The following DOCK3 variants were observed in gnomAD, a reference collection of about 807,000 sequenced individuals.
DOCK3 encodes the protein dedicator of cytokinesis 3.
In DOCK3, 60 loss-of-function variants were observed where a neutral mutation model predicts 265.6. That is an observed-to-expected ratio of 0.23 (90% CI 0.18 to 0.28). The LOEUF (loss-of-function observed/expected upper bound fraction) is 0.28, where lower values mean the gene tolerates loss of function less well. Ranked by LOEUF, DOCK3 falls within the 10% of genes least tolerant of loss-of-function variation. The pLI is 1.00. For missense variants in DOCK3, 1,981 were observed against 2,594.3 expected (o/e 0.76, Z 5.14); for synonymous variants, 881 against 938.0 (o/e 0.94, Z 1.11).
At chr3:51,189,463 G>A (rs1377512641) in intron 12 of DOCK3, among the ~76,000 whole-genome samples, 2 of 151,834 alleles carry the variant, frequency 1.3e-5, no homozygotes, top group Admixed American at 6.6e-5. Flanking sequence ...CACTCCTTAT[G>A]CCTTTGCTTA....
chr3:51,174,877 G>A (rs2086861096), intron 12 of DOCK3, among the ~76,000 whole-genome samples: 1 of 152,208 alleles, frequency 6.6e-6, no homozygotes, highest in South Asian at 2.1e-4. Flanking sequence ...AAGTTGGTGG[G>A]CCTCTTTCCA....
At chr3:51,345,069 C>T (rs2110128756) in intron 38 of DOCK3, among the ~76,000 whole-genome samples, 1 of 152,352 alleles carries the variant, frequency 6.6e-6, no homozygotes, top group East Asian at 1.9e-4. Flanking sequence ...TGAGCAGTCT[C>T]CCATGGATTG....
chr3:50,758,210 A>G (rs1350304182), intron 1 of DOCK3, among the ~76,000 whole-genome samples: 10 of 149,184 alleles, frequency 6.7e-5, no homozygotes, highest in Admixed American at 4.7e-4. Flanking sequence ...AAAAAAAAAG[A>G]AAATTAATTG....
At chr3:50,803,567 T>C (rs2043187871) in intron 2 of DOCK3, among the ~76,000 whole-genome samples, 1 of 151,168 alleles carries the variant, frequency 6.6e-6, no homozygotes, top group Non-Finnish European at 1.5e-5. Context: ...CATCATGGCC[T>C]GTTCTCAATG....
At chr3:50,982,089 T>A (rs1575673861) in intron 5 of DOCK3, among the ~76,000 whole-genome samples, 1 of 152,170 alleles carries the variant, frequency 6.6e-6, no homozygotes, top group Non-Finnish European at 1.5e-5. Flanking sequence ...CCTCAGGTGA[T>A]CCACCTGCCT....
chr3:50,792,945 C>G (rs184069469), intron 2 of DOCK3, among the ~76,000 whole-genome samples: 1 of 152,304 alleles, frequency 6.6e-6, no homozygotes, highest in African/African-American at 2.4e-5. Flanking sequence ...GGAGAAGTCC[C>G]TCCTCCTTAG....
At chr3:50,945,149 T>C (rs1306403202) in intron 5 of DOCK3, among the ~76,000 whole-genome samples, 2 of 152,206 alleles carry the variant, frequency 1.3e-5, no homozygotes, top group Non-Finnish European at 2.9e-5. Flanking sequence ...GCATTAATTT[T>C]GACTGTGAAT....
chr3:51,250,559 C>T (rs527525518), intron 22 of DOCK3, among the ~76,000 whole-genome samples: 1 of 152,302 alleles, frequency 6.6e-6, no homozygotes, highest in African/African-American at 2.4e-5. Flanking sequence ...GCGGAGGTTG[C>T]AGTGAACCAA....
At chr3:51,233,490 C>A (rs1353022317) in intron 19 of DOCK3, among the ~76,000 whole-genome samples, 1 of 152,112 alleles carries the variant, frequency 6.6e-6, no homozygotes, top group Non-Finnish European at 1.5e-5. Flanking sequence ...CTCAGTCTCC[C>A]AAGTAGCTGG....
In DOCK3 at chr3:51,381,635, C is replaced by G. The variant is rs781935798; in HGVS notation, c.*76C>G. 2.1e-6 allele frequency: 3 copies of G among 1,433,700 alleles called. No homozygotes were observed. Among genetic ancestry groups the G allele is most frequent in the Non-Finnish European group, 2.7e-6 (3 of 1,098,232 alleles). 88.8% of individuals were successfully genotyped at this position (1,433,700 alleles called of 1,614,324 possible). A position where few individuals can be genotyped will look rare whatever the true frequency, so the allele number is the denominator to read the frequency against. ...ACTCCAGGTCTGAAAAGCAAGTCCC[C>G]CAGCCCCACCCCAGGGAGCCAGAGA... On this transcript the variant is annotated 3_prime_UTR_variant, in exon 53 of 53. Transcript: ENST00000266037. The surrounding 1 kb of genome is among the most constrained non-coding windows in gnomAD (Gnocchi z 5.6).
chr3:51,052,104 GAGGAAGGATGAGTAGT>G (rs2081015248), intron 5 of DOCK3, among the ~76,000 whole-genome samples: 1 of 152,212 alleles, frequency 6.6e-6, no homozygotes, highest in South Asian at 2.1e-4. Flanking sequence ...TGAAACTCCA[GAGGAAGGATGAGTAGT>G]AGGAAGGCAG....
chr3:50,819,917 G>A (rs886975913), intron 2 of DOCK3, among the ~76,000 whole-genome samples: 8 of 152,102 alleles, frequency 5.3e-5, no homozygotes, highest in African/African-American at 1.2e-4. Flanking sequence ...ACCCGAGATC[G>A]CATCACTGCA....
At chr3:51,085,205 A>G (rs533176326) in intron 7 of DOCK3, among the ~76,000 whole-genome samples, 5 of 152,358 alleles carry the variant, frequency 3.3e-5, no homozygotes, top group Admixed American at 2.6e-4. Context: ...AAAGAGTTCA[A>G]CAGACCCCAA....
chr3:51,309,549 G>A (rs1305292325), intron 27 of DOCK3, among the ~76,000 whole-genome samples: 3 of 151,940 alleles, frequency 2.0e-5, no homozygotes, highest in Non-Finnish European at 2.9e-5. Flanking sequence ...GTCCAGCTTC[G>A]GCTCGGCATC....
At chr3:51,167,723 T>C (rs1405497761) in intron 12 of DOCK3, among the ~76,000 whole-genome samples, 2 of 152,208 alleles carry the variant, frequency 1.3e-5, no homozygotes, top group Non-Finnish European at 2.9e-5. Context: ...TAAATGACAT[T>C]GTTTTCTTAA....
At chr3:51,121,585 A>G (rs550357408) in intron 9 of DOCK3, among the ~76,000 whole-genome samples, 1 of 152,312 alleles carries the variant, frequency 6.6e-6, no homozygotes, top group East Asian at 1.9e-4. Flanking sequence ...AATACCTGCA[A>G]TCATAAATAA....
At chr3:51,118,610 C>G (rs2083864274) in intron 9 of DOCK3, among the ~76,000 whole-genome samples, 1 of 151,990 alleles carries the variant, frequency 6.6e-6, no homozygotes, top group African/African-American at 2.4e-5. Flanking sequence ...TTTGTAGATC[C>G]CTAAGAACTT....
intron 5 of DOCK3, among the ~76,000 whole-genome samples, chr3:50,976,572 C>G (rs2077458768): frequency 6.9e-6 from 1 of 144,770 alleles, no homozygotes; most frequent in Non-Finnish European, 1.5e-5. Flanking sequence ...AGTATTTGGT[C>G]AATTTTGGAA....
At chr3:51,130,403 G>T (rs1187215114) in intron 9 of DOCK3, among the ~76,000 whole-genome samples, 1 of 152,236 alleles carries the variant, frequency 6.6e-6, no homozygotes, top group Non-Finnish European at 1.5e-5. Context: ...GGGCCTTATG[G>T]ACTGGAATGG....
Sources: gnomAD v4.1 joint callset for allele counts (sites outside exome capture counted in the v4.1 genomes callset) on GRCh38, gnomAD v4.1.1 for gene constraint, Gnocchi (gnomAD v3.1) non-coding constraint, MANE v1.5 for transcripts, NCBI Gene and HGNC (gene_info 2026-07-23, HGNC 2026-07-21) for gene names.